The following AGAP1 variants were observed in gnomAD, a reference collection of about 807,000 sequenced individuals.
The protein encoded by AGAP1 is arf-GAP with GTPase, ANK repeat and PH domain-containing protein 1.
Under a neutral mutation model 105.3 loss-of-function variants are expected in AGAP1, and 29 were observed. The ratio of observed to expected loss-of-function variants is 0.28; its 90% confidence interval spans 0.21 to 0.38. The LOEUF (loss-of-function observed/expected upper bound fraction) is 0.38. Ranked by LOEUF, AGAP1 falls within the 10% of genes least tolerant of loss-of-function variation. The pLI is 1.00. For synonymous variants in AGAP1, 509 were observed against 485.9 expected, an observed-to-expected ratio of 1.05 and a Z score of -0.63; for missense variants, 998 against 1,165.1, an observed-to-expected ratio of 0.86 and a Z score of 2.09.
In AGAP1 at chr2:235,930,961, TCAAGGTCCTTCGTTGTAAGCCAGGGG is replaced by T. The variant is rs1420047968; in HGVS notation, c.1483+40_1483+65del. ...TCAGCCCCACGGACCCGCAGCCACC[TCAAGGTCCTTCGTTGTAAGCCAGGGG>T]CTGGACAGGACGCCCTAAGCTCTCA... On this transcript the variant is annotated intron_variant, in intron 12 of 17. Transcript: ENST00000304032. The surrounding 1 kb of genome is among the most constrained non-coding windows in gnomAD (Gnocchi z 7.9). The T allele has an allele frequency of 6.2e-7, 1 of 1,602,370 alleles. No individual in the cohort carries two copies. The highest frequency in any genetic ancestry group is 1.3e-5 in the African/African-American group (1 of 74,660).
chr2:236,059,392 C>T (rs953011005), intron 16 of AGAP1, among the ~76,000 whole-genome samples: 8 of 152,152 alleles, frequency 5.3e-5, no homozygotes. Flanking sequence ...CTCTTCAAAT[C>T]GATGTACAGA....
chr2:235,956,878 C>A (rs2053974136), intron 12 of AGAP1, among the ~76,000 whole-genome samples: 1 of 152,236 alleles, frequency 6.6e-6, no homozygotes, highest in Non-Finnish European at 1.5e-5. Flanking sequence ...AACCCAGCCA[C>A]CCTCCTGTCC....
intron 1 of AGAP1, among the ~76,000 whole-genome samples, chr2:235,624,738 A>G (rs1289301396): frequency 6.6e-6 from 1 of 152,038 alleles, no homozygotes; most frequent in Admixed American, 6.6e-5. Flanking sequence ...TCTTGTGGAA[A>G]TGTGATTCCC....
At position 235,752,469 on chromosome 2, in the gene AGAP1, G is replaced by A. The variant is rs528852245; in HGVS notation, c.673+1981G>A. Among the ~76,000 whole-genome samples, 57 of 152,228 alleles carry A rather than the reference G, an allele frequency of 3.7e-4. No homozygotes were observed. The highest frequency in any genetic ancestry group is 1.3e-3 in the African/African-American group (54 of 41,538). On this transcript the variant is annotated intron_variant, in intron 6 of 17. Coordinates refer to ENST00000304032, the MANE Select transcript of AGAP1 (RefSeq NM_001037131.3). This position sits in a 1 kb window ranked among gnomAD's most constrained non-coding sequence, Gnocchi z 4.3. Reference sequence around the variant, plus strand: ...GCTAGGATTATAGGCATGAGCCACCGCGCCTGGCTGTAAATAGACTTTTCA... The same window carrying A: ...GCTAGGATTATAGGCATGAGCCACCACGCCTGGCTGTAAATAGACTTTTCA...
chr2:235,995,237 A>G lies in AGAP1; in HGVS notation c.1645+26614A>G, dbSNP rs576058258. Among the ~76,000 whole-genome samples the G allele has an allele frequency of 8.3e-4, 126 of 151,970 alleles. 1 individual carries two copies. The highest frequency in any genetic ancestry group is 3.3e-3 in the South Asian group (16 of 4,788). ...ATAGTGAAAAACCAAAGAAAAGGCT[A>G]GGCCCAGTGGCTCATGCCTGTAATC... On this transcript the variant is annotated intron_variant, in intron 13 of 17. Coordinates refer to ENST00000304032, the MANE Select transcript of AGAP1 (RefSeq NM_001037131.3).
chr2:236,049,094 A>G lies in AGAP1; in HGVS notation c.1927A>G (p.Met643Val), dbSNP rs1015192398. 3.7e-6 allele frequency: 6 copies of G among 1,614,148 alleles called. No individual in the cohort carries two copies. In the East Asian group the frequency reaches 6.7e-5, roughly 18 times the overall value. The change falls in exon 16 of 18, where the codon ATG becomes GTG. Residue 643 changes from methionine (M) to valine (V), a missense_variant. This residue lies in a region of AGAP1 where 28 missense variants were observed against 61.0 expected (regional missense o/e 0.46). Transcript: ENST00000304032. ...GGCCAGTTTGAACTTGGGAGCCCTC[A>G]TGTGCATCGAATGCTCAGGGATCCA... is the stretch of plus-strand genomic sequence containing the variant. ...NWASLNLGAL[M>V]CIECSGIHRN...
At chr2:235,509,524 C>T (rs1374217297) in intron 1 of AGAP1, among the ~76,000 whole-genome samples, 2 of 152,146 alleles carry the variant, frequency 1.3e-5, no homozygotes, top group African/African-American at 2.4e-5. Flanking sequence ...TGAGCCACCA[C>T]GCCCGGCCAG....
rs1956804708 is a variant in AGAP1 at position 235,788,844 on chromosome 2, T to C, written c.674-8915T>C. Reference sequence around the variant, plus strand: ...GCGGGGCCACACCACGTTAGGGTGCTTTTCGGCATCTCTCAGTGGGGTGAA... The same window carrying C: ...GCGGGGCCACACCACGTTAGGGTGCCTTTCGGCATCTCTCAGTGGGGTGAA... On this transcript the variant is annotated intron_variant, in intron 6 of 17. Coordinates refer to ENST00000304032, the MANE Select transcript of AGAP1 (RefSeq NM_001037131.3). The surrounding 1 kb of genome is among the most constrained non-coding windows in gnomAD (Gnocchi z 6.0). 6.6e-6 allele frequency among the ~76,000 whole-genome samples: 1 copy of C among 152,134 alleles called. No individual in the cohort carries two copies. Among genetic ancestry groups the C allele is most frequent in the Non-Finnish European group, 1.5e-5 (1 of 68,024 alleles).
rs1949619342 is a variant in AGAP1 at position 235,689,212 on chromosome 2, G to T, written c.164-19967G>T. 6.6e-6 allele frequency among the ~76,000 whole-genome samples: 1 copy of T among 152,206 alleles called. No individual in the cohort carries two copies. Among genetic ancestry groups the T allele is most frequent in the Non-Finnish European group, 1.5e-5 (1 of 68,046 alleles). ...GGTAGATGGCCCCGGCCCTGCCTAT[G>T]CCTTGGACACTCTTCATTCGCTAGC... is the stretch of plus-strand genomic sequence containing the variant. On this transcript the variant is annotated intron_variant, in intron 1 of 17. Transcript: ENST00000304032. This position sits in a 1 kb window ranked among gnomAD's most constrained non-coding sequence, Gnocchi z 4.2.
rs2149660214 is a variant in AGAP1, at chr2:235,740,567, G to C, written c.311-396G>C. Among the ~76,000 whole-genome samples the C allele has an allele frequency of 6.6e-6, 1 of 152,330 alleles. No homozygotes were observed. The highest frequency in any genetic ancestry group is 2.1e-4 in the South Asian group (1 of 4,832). ...CCCTGTAATTTACCAAGAGGTTGCA[G>C]ATCAGGCACCTGTTAAGCATGAAAA... On this transcript the variant is annotated intron_variant, in intron 3 of 17. Coordinates refer to ENST00000304032, the MANE Select transcript of AGAP1 (RefSeq NM_001037131.3). This position sits in a 1 kb window ranked among gnomAD's most constrained non-coding sequence, Gnocchi z 5.7.
rs1478565467 is a variant in AGAP1, at chr2:235,893,719, CT to C, written c.1155+10271del. Among the ~76,000 whole-genome samples the C allele has an allele frequency of 6.6e-6, 1 of 152,186 alleles. No individual in the cohort carries two copies. The highest frequency in any genetic ancestry group is 1.5e-5 in the Non-Finnish European group (1 of 68,048). ...GGAGGAGGGCTGTGTTCCCCACAGT[CT>C]GCCCAGGGGCTGTCATGTGAGTGGC... On this transcript the variant is annotated intron_variant, in intron 10 of 17. Transcript: ENST00000304032. The surrounding 1 kb of genome is among the most constrained non-coding windows in gnomAD (Gnocchi z 4.7).
rs1944344192 is a variant in AGAP1 at position 235,566,292 on chromosome 2, T to C, written c.163+71443T>C. On this transcript the variant is annotated intron_variant, in intron 1 of 17. Transcript: ENST00000304032. This position sits in a 1 kb window ranked among gnomAD's most constrained non-coding sequence, Gnocchi z 5.2. ...TTTTAGTACAGACGGAGTTTCTCCATGTTTGTCAGGCTGGTCTCGAACTGC... is the reference window on the plus strand; with the variant it reads ...TTTTAGTACAGACGGAGTTTCTCCACGTTTGTCAGGCTGGTCTCGAACTGC... 6.6e-6 allele frequency among the ~76,000 whole-genome samples: 1 copy of C among 152,118 alleles called. No homozygotes were observed. The highest frequency in any genetic ancestry group is 6.5e-5 in the Admixed American group (1 of 15,272).
Position 235,927,218 on chromosome 2 carries a change from T to C in AGAP1, c.1325-3547T>C, listed in dbSNP as rs1429991503. Among the ~76,000 whole-genome samples the C allele has an allele frequency of 1.3e-5, 2 of 152,090 alleles. No homozygotes were observed. The highest frequency in any genetic ancestry group is 4.8e-5 in the African/African-American group (2 of 41,428). Reference sequence around the variant, plus strand: ...TCTAAGAGTCTGCCGTCAGAAGGATTGTGGATAGCTGGTCTGGTGTCTTCC... The same window carrying C: ...TCTAAGAGTCTGCCGTCAGAAGGATCGTGGATAGCTGGTCTGGTGTCTTCC... On this transcript the variant is annotated intron_variant, in intron 11 of 17. Coordinates refer to ENST00000304032, the MANE Select transcript of AGAP1 (RefSeq NM_001037131.3). The surrounding 1 kb of genome is among the most constrained non-coding windows in gnomAD (Gnocchi z 4.4).
Position 235,614,500 on chromosome 2 carries a change from A to G in AGAP1, c.164-94679A>G, listed in dbSNP as rs1296534260. On this transcript the variant is annotated intron_variant, in intron 1 of 17. Coordinates refer to ENST00000304032, the MANE Select transcript of AGAP1 (RefSeq NM_001037131.3). The surrounding 1 kb of genome is among the most constrained non-coding windows in gnomAD (Gnocchi z 4.7). ...AGGGAGAGAAAAGGCAAGGAGAAAC[A>G]TGGCGAGGGGTGGGGGCTTTGCTCT... 6.6e-6 allele frequency among the ~76,000 whole-genome samples: 1 copy of G among 152,112 alleles called. No homozygotes were observed. Among genetic ancestry groups the G allele is most frequent in the East Asian group, 1.9e-4 (1 of 5,184 alleles).
Position 235,951,221 on chromosome 2 carries a change from T to C in AGAP1, c.1484-17241T>C, listed in dbSNP as rs1427425069. Among the ~76,000 whole-genome samples the C allele has an allele frequency of 6.6e-6, 1 of 152,222 alleles. No individual in the cohort carries two copies. Among genetic ancestry groups the C allele is most frequent in the East Asian group, 1.9e-4 (1 of 5,194 alleles). On this transcript the variant is annotated intron_variant, in intron 12 of 17. Transcript: ENST00000304032. This position sits in a 1 kb window ranked among gnomAD's most constrained non-coding sequence, Gnocchi z 4.2. The stretch of plus-strand genomic sequence containing the variant: ...GTGCTTTAGAAGACACTTCCGACTT[T>C]GATCTGCAGTTGCGGATGAAGATGC...
intron 9 of AGAP1, among the ~76,000 whole-genome samples, chr2:235,833,381 C>G (rs937303604): frequency 1.1e-4 from 17 of 152,176 alleles, no homozygotes; most frequent in African/African-American, 2.4e-5. Context: ...TGTACATGGA[C>G]AAAAACGTAG....
Position 235,967,446 on chromosome 2 carries a change from C to T in AGAP1, c.1484-1016C>T, listed in dbSNP as rs1003179082. Among the ~76,000 whole-genome samples the T allele has an allele frequency of 3.3e-5, 5 of 152,188 alleles. No individual in the cohort carries two copies. Among genetic ancestry groups the T allele is most frequent in the African/African-American group, 1.2e-4 (5 of 41,438 alleles). Reference sequence around the variant, plus strand: ...AGGTTCTGGCCCGGCTGCCATGTCACTGCCACTCCACTTTACAGAGTCCCC... The same window carrying T: ...AGGTTCTGGCCCGGCTGCCATGTCATTGCCACTCCACTTTACAGAGTCCCC... On this transcript the variant is annotated intron_variant, in intron 12 of 17. Transcript: ENST00000304032. This position sits in a 1 kb window ranked among gnomAD's most constrained non-coding sequence, Gnocchi z 4.7.
At chr2:235,727,726 C>G (rs933232209) in intron 3 of AGAP1, among the ~76,000 whole-genome samples, 20 of 152,308 alleles carry the variant, frequency 1.3e-4, no homozygotes, top group African/African-American at 4.6e-4. Flanking sequence ...TTATCGGTGT[C>G]AGGAAAGGGG....
chr2:235,868,341 A>T (rs989365523), intron 9 of AGAP1, among the ~76,000 whole-genome samples: 26 of 152,192 alleles, frequency 1.7e-4, no homozygotes, highest in Non-Finnish European at 2.8e-4. Context: ...TTGCGAAATC[A>T]CACGTGCACC....
Sources: allele counts gnomAD v4.1 joint callset (sites outside exome capture counted in the v4.1 genomes callset), GRCh38; gene constraint gnomAD v4.1.1; regional missense constraint gnomAD v4.1.1; non-coding constraint Gnocchi (gnomAD v3.1); transcripts MANE v1.5; gene names NCBI Gene and HGNC (gene_info 2026-07-23, HGNC 2026-07-21).